The following PRKCB variants were observed in gnomAD, a reference collection of about 807,000 sequenced individuals.
PRKCB encodes the protein protein kinase C beta, also known as protein kinase C beta type.
Under a neutral mutation model 81.5 loss-of-function variants are expected in PRKCB, and 13 were observed. That is an observed-to-expected ratio of 0.16 (90% CI 0.10 to 0.25). PRKCB has a LOEUF of 0.25. Ranked by LOEUF, PRKCB falls within the 10% of genes least tolerant of loss-of-function variation. The pLI, the probability that PRKCB is intolerant of heterozygous loss-of-function variation, is 1.00. For synonymous variants in PRKCB, 335 were observed against 321.4 expected, an observed-to-expected ratio of 1.04 and a Z score of -0.45; for missense variants, 509 against 875.7, an observed-to-expected ratio of 0.58 and a Z score of 5.29.
chr16:23,970,102 A>G (rs1596491820), intron 2 of PRKCB, among the ~76,000 whole-genome samples: 1 of 152,248 alleles, frequency 6.6e-6, no homozygotes, highest in East Asian at 1.9e-4. Flanking sequence ...AAGTGCATGG[A>G]GGATGAGTGT....
At chr16:23,905,866 C>A (rs562785232) in intron 2 of PRKCB, among the ~76,000 whole-genome samples, 5 of 152,280 alleles carry the variant, frequency 3.3e-5, no homozygotes, top group Admixed American at 3.3e-4. Flanking sequence ...TTAATAATGT[C>A]TCATGGGGAT....
intron 2 of PRKCB, among the ~76,000 whole-genome samples, chr16:23,896,904 C>CCATCCATCCATCCATCCATCCACT (rs1963388256): frequency 9.9e-5 from 15 of 151,706 alleles, no homozygotes; most frequent in Admixed American, 9.8e-4. Flanking sequence ...ATCCATCCAT[C>CCATCCATCCATCCATCCATCCACT]CATCCATCCA....
At chr16:23,909,081 G>A (rs1443004060) in intron 2 of PRKCB, among the ~76,000 whole-genome samples, 1 of 152,234 alleles carries the variant, frequency 6.6e-6, no homozygotes, top group East Asian at 1.9e-4. Flanking sequence ...ACTGTGTAAT[G>A]AATGGATCTG....
At chr16:23,899,454 T>C (rs1321642409) in intron 2 of PRKCB, among the ~76,000 whole-genome samples, 2 of 152,180 alleles carry the variant, frequency 1.3e-5, no homozygotes, top group Non-Finnish European at 2.9e-5. Flanking sequence ...CTGTTAAAAA[T>C]GTCAAACAGC....
intron 5 of PRKCB, among the ~76,000 whole-genome samples, chr16:24,078,106 G>A (rs763640411): frequency 8.5e-5 from 13 of 152,202 alleles, no homozygotes; most frequent in Non-Finnish European, 1.8e-4. Context: ...AGTTTTGATT[G>A]AATGTCCAAA....
intron 3 of PRKCB, among the ~76,000 whole-genome samples, chr16:23,989,112 C>T (rs1297389923): frequency 6.6e-6 from 1 of 152,108 alleles, no homozygotes; most frequent in Non-Finnish European, 1.5e-5. Flanking sequence ...AGGCACCTGC[C>T]ACTATGCCTG....
chr16:24,195,637 T>C (rs950948717), intron 16 of PRKCB, among the ~76,000 whole-genome samples: 3 of 152,232 alleles, frequency 2.0e-5, no homozygotes, highest in Non-Finnish European at 4.4e-5. Context: ...TGAAACTGTA[T>C]TGAAATACAC....
chr16:24,138,306 C>T (rs1355926208), intron 9 of PRKCB, among the ~76,000 whole-genome samples: 2 of 152,222 alleles, frequency 1.3e-5, no homozygotes, highest in African/African-American at 4.8e-5. Context: ...GCTTACAAGG[C>T]AGATCAGATT....
At chr16:24,196,495 G>T (rs1315543086) in intron 16 of PRKCB, among the ~76,000 whole-genome samples, 1 of 152,218 alleles carries the variant, frequency 6.6e-6, no homozygotes, top group Non-Finnish European at 1.5e-5. Context: ...GCAATGCATT[G>T]AATCACAGGA....
At chr16:24,071,081 C>T (rs1248675266) in intron 5 of PRKCB, among the ~76,000 whole-genome samples, 2 of 152,074 alleles carry the variant, frequency 1.3e-5, no homozygotes, top group Non-Finnish European at 2.9e-5. Flanking sequence ...GAGCTCAAAG[C>T]CCCCCTCCAC....
intron 2 of PRKCB, among the ~76,000 whole-genome samples, chr16:23,980,371 A>G (rs1964679744): frequency 6.6e-6 from 1 of 152,254 alleles, no homozygotes; most frequent in African/African-American, 2.4e-5. Flanking sequence ...CTAGGAGGAA[A>G]GAGTGGTTCT....
At position 23,887,567 on chromosome 16, in the gene PRKCB, T is replaced by C. The variant is rs527498182; in HGVS notation, c.205+50161T>C. 5.9e-5 allele frequency among the ~76,000 whole-genome samples: 9 copies of C among 152,388 alleles called. No homozygotes were observed. The South Asian group carries it at 1.9e-3, about 32-fold the overall frequency. On this transcript the variant is annotated intron_variant, in intron 2 of 16. Transcript: ENST00000643927. ...GCTGTGTAGTATTCCATAGTGTATA[T>C]GCACCACATTTTCTTTATCCAATCC...
In PRKCB at chr16:24,161,174, A is replaced by T. The variant is rs1319843045; in HGVS notation, c.1239+6317A>T. On this transcript the variant is annotated intron_variant, in intron 10 of 16. Transcript: ENST00000643927. ...AAGTGAAAGAGACAACCAGCAATGTACAAAACCATTTTTTAAAAATCAATT... is the reference window on the plus strand; with the variant it reads ...AAGTGAAAGAGACAACCAGCAATGTTCAAAACCATTTTTTAAAAATCAATT... Among the ~76,000 whole-genome samples, 3 of 152,230 alleles carry T rather than the reference A, an allele frequency of 2.0e-5. No homozygotes were observed. In the South Asian group the frequency reaches 6.2e-4, roughly 32 times the overall value.
At chr16:23,853,616 A>G (rs1962511021) in intron 2 of PRKCB, among the ~76,000 whole-genome samples, 1 of 152,336 alleles carries the variant, frequency 6.6e-6, no homozygotes, top group Admixed American at 6.5e-5. Context: ...TGATGTATCT[A>G]GTTTTATCTC....
In PRKCB at chr16:24,219,228, C is replaced by T. The variant is rs950436494; in HGVS notation, c.*4412C>T. ...GAAATGCCAGACTTACTAGGAGAATCGAGTTGCTTTGAGTTTCTTTTGTTT... is the reference window on the plus strand; with the variant it reads ...GAAATGCCAGACTTACTAGGAGAATTGAGTTGCTTTGAGTTTCTTTTGTTT... On this transcript the variant is annotated 3_prime_UTR_variant, in exon 17 of 17. Transcript: ENST00000643927. The T allele has an allele frequency of 2.5e-5, 23 of 919,892 alleles. No individual in the cohort carries two copies. The highest frequency in any genetic ancestry group is 5.1e-5 in the South Asian group (1 of 19,512). The allele number at this position is 919,892 out of a possible 1,614,324, so 57.0% of individuals were successfully genotyped here.
intron 2 of PRKCB, among the ~76,000 whole-genome samples, chr16:23,845,463 T>C (rs1962351811): frequency 6.6e-6 from 1 of 152,050 alleles, no homozygotes; most frequent in African/African-American, 2.4e-5. Flanking sequence ...ATCTGTATTG[T>C]AAAACTGCCC....
chr16:24,069,188 A>G (rs1966077169), intron 5 of PRKCB, among the ~76,000 whole-genome samples: 1 of 152,104 alleles, frequency 6.6e-6, no homozygotes, highest in African/African-American at 2.4e-5. Context: ...CACTTGACTA[A>G]TTTGGTATAG....
intron 7 of PRKCB, among the ~76,000 whole-genome samples, chr16:24,097,348 T>C (rs1329450091): frequency 6.6e-6 from 1 of 152,144 alleles, no homozygotes; most frequent in African/African-American, 2.4e-5. Flanking sequence ...TCTTAGGCTT[T>C]TCTTGAAACA....
intron 3 of PRKCB, among the ~76,000 whole-genome samples, chr16:23,995,988 T>C (rs1458148037): frequency 2.1e-5 from 3 of 141,810 alleles, no homozygotes; most frequent in African/African-American, 7.9e-5. Context: ...CTTTGAGCAG[T>C]GCACCTGGTT....
Sources: gnomAD v4.1 joint callset for allele counts (sites outside exome capture counted in the v4.1 genomes callset) on GRCh38, gnomAD v4.1.1 for gene constraint, MANE v1.5 for transcripts, NCBI Gene and HGNC (gene_info 2026-07-23, HGNC 2026-07-21) for gene names.